Variants in COG3 observed in about 807,000 individuals in gnomAD.
COG3 encodes the protein component of oligomeric golgi complex 3, also known as conserved oligomeric Golgi complex subunit 3.
Under a neutral mutation model 114.1 loss-of-function variants are expected in COG3, and 32 were observed. The ratio of observed to expected loss-of-function variants is 0.28; its 90% confidence interval spans 0.21 to 0.38. The LOEUF (loss-of-function observed/expected upper bound fraction) is 0.38. Ranked by LOEUF, COG3 falls within the 10% of genes least tolerant of loss-of-function variation. The pLI, the probability that COG3 is intolerant of heterozygous loss-of-function variation, is 1.00. For missense variants in COG3, 813 were observed against 973.2 expected (o/e 0.84, Z 2.19); for synonymous variants, 352 against 365.7 (o/e 0.96, Z 0.43).
At chr13:45,518,303 T>G (rs575541897) in intron 17 of COG3, among the ~76,000 whole-genome samples, 5 of 152,360 alleles carry the variant, frequency 3.3e-5, no homozygotes, top group Non-Finnish European at 7.4e-5. Context: ...AGATTCTAGT[T>G]AGTCTGGAGG....
intron 13 of COG3, among the ~76,000 whole-genome samples, chr13:45,501,019 T>C (rs1869463746): frequency 6.6e-6 from 1 of 152,198 alleles, no homozygotes; most frequent in African/African-American, 2.4e-5. Flanking sequence ...TGGTGTAAAA[T>C]GCCATTGTTA....
intron 6 of COG3, among the ~76,000 whole-genome samples, 165 bp downstream of exon 6, chr13:45,482,638 G>GTT (rs1191849594): frequency 6.6e-6 from 1 of 152,076 alleles, no homozygotes; most frequent in East Asian, 1.9e-4. Flanking sequence ...ATATGTATTT[G>GTT]TAACATATTA....
At chr13:45,471,892 C>G (rs778088318) in intron 1 of COG3, among the ~76,000 whole-genome samples, 3 of 152,134 alleles carry the variant, frequency 2.0e-5, no homozygotes, top group Non-Finnish European at 2.9e-5. Context: ...GCCACTACGC[C>G]TGGCTAATTT....
intron 8 of COG3, 117 bp downstream of exon 8, chr13:45,486,692 T>C (rs2137817299): frequency 1.4e-6 from 1 of 721,330 alleles, no homozygotes; most frequent in African/African-American, 1.7e-5. Context: ...GAATGAAAGG[T>C]TGACATTGTC....
At chr13:45,495,375 T>A (rs948175665) in intron 12 of COG3, among the ~76,000 whole-genome samples, 6 of 151,872 alleles carry the variant, frequency 4.0e-5, no homozygotes, top group South Asian at 2.1e-4. Context: ...ATGGCATCTT[T>A]TTTATTTATT....
At chr13:45,517,235 T>A (rs1487543577) in intron 17 of COG3, among the ~76,000 whole-genome samples, 1 of 152,190 alleles carries the variant, frequency 6.6e-6, no homozygotes, top group Non-Finnish European at 1.5e-5. Flanking sequence ...AAATGGTCAC[T>A]CAAATTATTT....
chr13:45,474,032 C>T (rs1885690237), intron 1 of COG3, among the ~76,000 whole-genome samples: 1 of 152,166 alleles, frequency 6.6e-6, no homozygotes, highest in African/African-American at 2.4e-5. Context: ...CCTCCTGACT[C>T]TTGAGCCAGG....
intron 1 of COG3, among the ~76,000 whole-genome samples, chr13:45,475,759 G>GT (rs1353129161): frequency 6.6e-6 from 1 of 151,916 alleles, no homozygotes; most frequent in African/African-American, 2.4e-5. Flanking sequence ...GAACCCAGGA[G>GT]TTTGAGACCA....
chr13:45,535,927 T>C lies in COG3; in HGVS notation c.*1196T>C, dbSNP rs765581058. The C allele has an allele frequency of 1.0e-6, 1 of 975,980 alleles. No homozygotes were observed. The highest frequency in any genetic ancestry group is 1.2e-6 in the Non-Finnish European group (1 of 819,520). 60.5% of individuals were successfully genotyped at this position (975,980 alleles called of 1,614,324 possible). A position where few individuals can be genotyped will look rare whatever the true frequency, so the allele number is the denominator to read the frequency against. On this transcript the variant is annotated 3_prime_UTR_variant, in exon 23 of 23. Transcript: ENST00000349995. ...AACACTAGTCTAGAGGTGGACATTG[T>C]CAGGGGTTCTGGAATGGGACCAGGG...
intron 17 of COG3, among the ~76,000 whole-genome samples, chr13:45,516,650 A>G (rs1247410414): frequency 6.6e-6 from 1 of 152,206 alleles, no homozygotes; most frequent in Non-Finnish European, 1.5e-5. Context: ...CCAGCTGGGT[A>G]AAATGAGAAG....
intron 22 of COG3, 29 bp from the exon 23 acceptor site, chr13:45,534,673 C>T (rs1873434426): frequency 6.6e-7 from 1 of 1,523,584 alleles, no homozygotes; most frequent in South Asian, 1.2e-5. Flanking sequence ...CATAGGAGAA[C>T]TAACATAGCT....
intron 1 of COG3, among the ~76,000 whole-genome samples, chr13:45,470,996 A>T (rs7328767): frequency 0.1 from 15,238 of 152,224 alleles, 2,160 homozygotes; most frequent in African/African-American, 0.31. Context: ...CAACTTCCGA[A>T]GGGTTTATTG....
chr13:45,481,267 A>G lies in COG3; in HGVS notation c.587A>G (p.Lys196Arg). 6.3e-7 allele frequency: 1 copy of G among 1,599,526 alleles called. No homozygotes were observed. The highest frequency in any genetic ancestry group is 1.1e-5 in the South Asian group (1 of 90,028). The change falls in exon 5 of 23, where the codon AAG becomes AGG. Residue 196 changes from lysine to arginine, a missense_variant. Coordinates refer to ENST00000349995, the MANE Select transcript of COG3 (RefSeq NM_031431.4). ...LVDLAENIQQ[K>R]LSYFNELETI... ...GATCTGGCTGAAAACATTCAACAAA[A>G]GCTTTCCTATTTTAACGAATTGGAA...
intron 1 of COG3, among the ~76,000 whole-genome samples, chr13:45,467,173 G>T (rs897514053): frequency 6.6e-6 from 1 of 152,196 alleles, no homozygotes; most frequent in Non-Finnish European, 1.5e-5. Context: ...AAAGACTAAA[G>T]AAATAACATT....
At chr13:45,529,179 G>C (rs1398214186) in intron 20 of COG3, among the ~76,000 whole-genome samples, 7 of 152,092 alleles carry the variant, frequency 4.6e-5, no homozygotes, top group African/African-American at 1.4e-4. Flanking sequence ...TAGTTTTCTA[G>C]ATAACTTCTT....
chr13:45,525,633 G>GTTTTTTTTTT (rs1566273037), intron 20 of COG3, among the ~76,000 whole-genome samples: 2 of 13,918 alleles, frequency 1.4e-4, no homozygotes, highest in African/African-American at 7.2e-4. Flanking sequence ...GAGGGCTTTG[G>GTTTTTTTTTT]GTTTTTTTTT....
At chr13:45,493,721 T>A in intron 12 of COG3, 1 of 287,920 alleles carries the variant, frequency 3.5e-6, no homozygotes, top group Non-Finnish European at 6.5e-6. Flanking sequence ...ATAATTATAG[T>A]CAGTTTTCTT....
In COG3 at chr13:45,516,279, G is replaced by T; in HGVS notation, c.1930+16G>T. The T allele has an allele frequency of 1.3e-6, 2 of 1,563,168 alleles. No homozygotes were observed. Among genetic ancestry groups the T allele is most frequent in the Non-Finnish European group, 1.7e-6 (2 of 1,147,664 alleles). ...AAAACTAGAGGTACTTTGCTGTCCT[G>T]GCTGGCACACTTGGGTGTGTTTGAT... is the stretch of plus-strand genomic sequence containing the variant. On this transcript the variant is annotated intron_variant, in intron 17 of 22. Transcript: ENST00000349995.
intron 3 of COG3, among the ~76,000 whole-genome samples, chr13:45,479,851 C>G (rs1886137130): frequency 6.6e-6 from 1 of 152,110 alleles, no homozygotes; most frequent in African/African-American, 2.4e-5. Flanking sequence ...AGAAGTTGAG[C>G]CAGTGATTCA....
Sources: gnomAD v4.1 joint callset for allele counts (sites outside exome capture counted in the v4.1 genomes callset) on GRCh38, gnomAD v4.1.1 for gene constraint, MANE v1.5 for transcripts, NCBI Gene and HGNC (gene_info 2026-07-23, HGNC 2026-07-21) for gene names.